Variants in SUMF1 observed in about 807,000 individuals in gnomAD.
The protein encoded by SUMF1 is formylglycine-generating enzyme.
In SUMF1, 48 loss-of-function variants were observed where a neutral mutation model predicts 47.6. The observed-to-expected ratio is 1.01, with a 90% CI of 0.80 to 1.28. SUMF1 has a LOEUF of 1.28. Among genes scored for constraint, SUMF1 ranks in the 50% most tolerant of loss-of-function variants. The pLI is 0.00. For synonymous variants in SUMF1, 230 were observed against 192.1 expected, an observed-to-expected ratio of 1.20 and a Z score of -1.63; for missense variants, 571 against 485.4, an observed-to-expected ratio of 1.18 and a Z score of -1.66.
intron 8 of SUMF1, among the ~76,000 whole-genome samples, chr3:4,159,158 C>T (rs1694518305): frequency 6.6e-6 from 1 of 151,244 alleles, no homozygotes; most frequent in South Asian, 2.1e-4. Context: ...TTTGTACCTT[C>T]AGATGACTTA....
chr3:4,036,153 C>T (rs559467915), intron 9 of SUMF1, among the ~76,000 whole-genome samples: 2 of 152,134 alleles, frequency 1.3e-5, no homozygotes, highest in Non-Finnish European at 2.9e-5. Flanking sequence ...GAATGTAAAA[C>T]ATTTATCCCA....
intron 8 of SUMF1, among the ~76,000 whole-genome samples, chr3:4,261,087 AT>A (rs1447814276): frequency 1.3e-5 from 2 of 152,236 alleles, no homozygotes; most frequent in Non-Finnish European, 2.9e-5. Context: ...CACTGTACAG[AT>A]TGGAAAACTG....
At chr3:4,135,376 A>T (rs1364058792) in intron 8 of SUMF1, among the ~76,000 whole-genome samples, 2 of 152,150 alleles carry the variant, frequency 1.3e-5, no homozygotes, top group Non-Finnish European at 2.9e-5. Flanking sequence ...CAAAAACCAC[A>T]TGATTATCTC....
intron 8 of SUMF1, among the ~76,000 whole-genome samples, chr3:4,203,367 C>G (rs1695581361): frequency 6.6e-6 from 1 of 151,706 alleles, no homozygotes; most frequent in Non-Finnish European, 1.5e-5. Context: ...TGTTTTTTGC[C>G]TTTAAATCCA....
intron 8 of SUMF1, chr3:4,303,433 T>C (rs754431337): frequency 6.4e-6 from 10 of 1,554,462 alleles, no homozygotes; most frequent in Non-Finnish European, 7.8e-6. Flanking sequence ...AGGAGAAGCC[T>C]GAGGCCCCGA....
At chr3:4,184,131 T>G (rs1239399142) in intron 8 of SUMF1, among the ~76,000 whole-genome samples, 2 of 148,486 alleles carry the variant, frequency 1.3e-5, no homozygotes. Context: ...TGTGACCCTG[T>G]CTCGAAAAAA....
chr3:4,119,886 G>C (rs1693500546), intron 8 of SUMF1, among the ~76,000 whole-genome samples: 2 of 152,240 alleles, frequency 1.3e-5, no homozygotes, highest in African/African-American at 4.8e-5. Flanking sequence ...CATTTAGGTA[G>C]GGTACAGCCA....
chr3:4,074,297 C>A (rs935957494), intron 8 of SUMF1, among the ~76,000 whole-genome samples: 4 of 152,060 alleles, frequency 2.6e-5, no homozygotes, highest in Admixed American at 2.0e-4. Flanking sequence ...CCAATGAGAA[C>A]AAAGACATGA....
chr3:4,252,944 T>G (rs1696840076), intron 8 of SUMF1, among the ~76,000 whole-genome samples: 1 of 152,212 alleles, frequency 6.6e-6, no homozygotes, highest in African/African-American at 2.4e-5. Flanking sequence ...ACTAACTCAT[T>G]ACTCTCATCA....
intron 3 of SUMF1, among the ~76,000 whole-genome samples, chr3:4,432,444 G>A (rs1303787767): frequency 6.6e-6 from 1 of 152,052 alleles, no homozygotes; most frequent in Non-Finnish European, 1.5e-5. Flanking sequence ...TGTTTCAGAT[G>A]AAAACCAAAC....
intron 8 of SUMF1, among the ~76,000 whole-genome samples, chr3:4,128,285 G>A (rs141164172): frequency 3.2e-4 from 49 of 152,256 alleles, no homozygotes; most frequent in African/African-American, 1.1e-3. Context: ...TTAAAGTGAG[G>A]GCATTGATTG....
At chr3:4,395,851 A>G (rs1412108172) in intron 7 of SUMF1, among the ~76,000 whole-genome samples, 2 of 152,218 alleles carry the variant, frequency 1.3e-5, no homozygotes, top group Non-Finnish European at 2.9e-5. Context: ...TATTTAAAAT[A>G]CCAGTCTACT....
chr3:4,217,514 TTATATATA>T lies in SUMF1; in HGVS notation c.1015-148777_1015-148770del, dbSNP rs370463309. ...TGTATCCCAGAACTTAAAGTATTTT[TTATATATA>T]TATATATATATATATATGAAGAAAA... is the stretch of plus-strand genomic sequence containing the variant. On this transcript the variant is annotated intron_variant and NMD_transcript_variant, in intron 8 of 12. Transcript: ENST00000448413. Among the ~76,000 whole-genome samples, 4 of 45,198 alleles carry T rather than the reference TTATATATA, an allele frequency of 8.8e-5. 1 individual carries two copies. Among genetic ancestry groups the T allele is most frequent in the Non-Finnish European group, 1.3e-4 (3 of 23,580 alleles). The allele number at this position is 45,198 out of a possible 152,430, so 29.7% of individuals were successfully genotyped here.
At chr3:4,418,974 C>T (rs1286277386) in intron 4 of SUMF1, among the ~76,000 whole-genome samples, 1 of 152,170 alleles carries the variant, frequency 6.6e-6, no homozygotes, top group African/African-American at 2.4e-5. Context: ...TTGAATTCCC[C>T]ACAGTAATTA....
intron 8 of SUMF1, among the ~76,000 whole-genome samples, chr3:4,368,085 C>G (rs1416476571): frequency 6.6e-6 from 1 of 152,146 alleles, no homozygotes; most frequent in Non-Finnish European, 1.5e-5. Flanking sequence ...GCAACCTACT[C>G]ATCTGACAAA....
chr3:4,302,755 C>T (rs543005777), intron 8 of SUMF1, among the ~76,000 whole-genome samples: 3 of 152,172 alleles, frequency 2.0e-5, no homozygotes, highest in Non-Finnish European at 2.9e-5. Context: ...TGAAAATGCT[C>T]CACCGGATTC....
At chr3:4,123,051 T>A (rs1693579869) in intron 8 of SUMF1, among the ~76,000 whole-genome samples, 1 of 152,060 alleles carries the variant, frequency 6.6e-6, no homozygotes, top group Non-Finnish European at 1.5e-5. Flanking sequence ...TTTGTTTTCA[T>A]GCAACTTACG....
At chr3:4,277,205 A>G (rs1697437894) in intron 8 of SUMF1, among the ~76,000 whole-genome samples, 1 of 152,158 alleles carries the variant, frequency 6.6e-6, no homozygotes, top group Admixed American at 6.6e-5. Flanking sequence ...AGGCAGGTCT[A>G]GGAACCATTG....
chr3:4,443,148 G>T (rs1241909837), intron 3 of SUMF1, among the ~76,000 whole-genome samples: 1 of 151,918 alleles, frequency 6.6e-6, no homozygotes, highest in Non-Finnish European at 1.5e-5. Context: ...CGTGGTGGCG[G>T]GCCCCTGTAA....
Sources: gnomAD v4.1 joint callset for allele counts (sites outside exome capture counted in the v4.1 genomes callset) on GRCh38, gnomAD v4.1.1 for gene constraint, MANE v1.5 for transcripts, NCBI Gene and HGNC (gene_info 2026-07-23, HGNC 2026-07-21) for gene names.